The following PODXL2 variants were observed in gnomAD, a reference collection of about 807,000 sequenced individuals.
PODXL2 encodes the protein podocalyxin like 2.
In PODXL2, 17 loss-of-function variants were observed where a neutral mutation model predicts 53.4. That is an observed-to-expected ratio of 0.32 (90% CI 0.22 to 0.48). The LOEUF (loss-of-function observed/expected upper bound fraction) is 0.48. Ranked by LOEUF, PODXL2 falls within the 20% of genes least tolerant of loss-of-function variation. The pLI, the probability that PODXL2 is intolerant of heterozygous loss-of-function variation, is 0.99. For synonymous variants in PODXL2, 311 were observed against 306.7 expected (o/e 1.01, Z -0.15); for missense variants, 673 against 760.0 (o/e 0.89, Z 1.35).
Position 127,669,138 on chromosome 3 carries a change from C to T in PODXL2, c.1364-3C>T, listed in dbSNP as rs2074814884. 1 of 1,601,620 alleles carries T rather than the reference C, an allele frequency of 6.2e-7. No individual in the cohort carries two copies. Among genetic ancestry groups the T allele is most frequent in the Non-Finnish European group, 8.5e-7 (1 of 1,173,896 alleles). On this transcript the variant is annotated splice_polypyrimidine_tract_variant and splice_region_variant and intron_variant, in intron 5 of 7. Coordinates refer to ENST00000342480, the MANE Select transcript of PODXL2 (RefSeq NM_015720.4). Reference sequence around the variant, plus strand: ...ACTGATAGTGGTGTTTCTTACCCCCCAGGGGTGGTGCCCACTCAAGATGTC... The same window carrying T: ...ACTGATAGTGGTGTTTCTTACCCCCTAGGGGTGGTGCCCACTCAAGATGTC...
intron 2 of PODXL2, among the ~76,000 whole-genome samples, chr3:127,653,196 T>C (rs1285483202): frequency 6.6e-6 from 1 of 152,202 alleles, no homozygotes; most frequent in African/African-American, 2.4e-5. Context: ...AGCACCTTCC[T>C]CCCTGTCTCT....
At chr3:127,670,847 C>T (rs1252459308) in intron 6 of PODXL2, among the ~76,000 whole-genome samples, 2 of 152,232 alleles carry the variant, frequency 1.3e-5, no homozygotes, top group Non-Finnish European at 2.9e-5. Flanking sequence ...TGACAACCTG[C>T]AGCGTGGAGG....
At chr3:127,666,613 T>C (rs2074796191) in intron 4 of PODXL2, among the ~76,000 whole-genome samples, 1 of 152,194 alleles carries the variant, frequency 6.6e-6, no homozygotes, top group Admixed American at 6.5e-5. Flanking sequence ...TTTGCCGTGT[T>C]GTCTGTGCAG....
intron 2 of PODXL2, among the ~76,000 whole-genome samples, chr3:127,643,385 T>C (rs907667506): frequency 2.0e-5 from 3 of 151,820 alleles, no homozygotes; most frequent in Non-Finnish European, 4.4e-5. Flanking sequence ...TAATTTTGTA[T>C]TTTTAGTAGA....
intron 2 of PODXL2, among the ~76,000 whole-genome samples, chr3:127,654,078 G>A (rs2074706172): frequency 6.6e-6 from 1 of 152,192 alleles, no homozygotes; most frequent in African/African-American, 2.4e-5. Context: ...AAGAAAAAAA[G>A]AGCAGGGTTT....
At chr3:127,660,084 T>C (rs1032389887) in intron 2 of PODXL2, among the ~76,000 whole-genome samples, 7 of 152,226 alleles carry the variant, frequency 4.6e-5, no homozygotes, top group Non-Finnish European at 1.0e-4. Context: ...GGAGAATATA[T>C]ACCTCAAACT....
Position 127,658,731 on chromosome 3 carries a change from C to G in PODXL2, c.350-1647C>G, listed in dbSNP as rs1442225157. Reference sequence around the variant, plus strand: ...AGATTTTCTCTTGCTCCTTATAATTCTAAAATCACATGAGAATGAGGCTAG... The same window carrying G: ...AGATTTTCTCTTGCTCCTTATAATTGTAAAATCACATGAGAATGAGGCTAG... On this transcript the variant is annotated intron_variant, in intron 2 of 7. Coordinates refer to ENST00000342480, the MANE Select transcript of PODXL2 (RefSeq NM_015720.4). Among the ~76,000 whole-genome samples the G allele has an allele frequency of 2.0e-5, 3 of 152,232 alleles. No homozygotes were observed. The East Asian group carries it at 5.8e-4, about 29-fold the overall frequency.
chr3:127,631,546 G>A (rs148116091), intron 1 of PODXL2, among the ~76,000 whole-genome samples: 30 of 152,294 alleles, frequency 2.0e-4, no homozygotes, highest in Non-Finnish European at 4.3e-4. Context: ...TCTGTTGGGT[G>A]TGATGATGTA....
chr3:127,671,026 G>T (rs1017162224), intron 6 of PODXL2, among the ~76,000 whole-genome samples: 1 of 152,214 alleles, frequency 6.6e-6, no homozygotes, highest in Admixed American at 6.5e-5. Context: ...GGAAGCGGTT[G>T]TATGGTGGAG....
chr3:127,630,913 A>C (rs1180554487), intron 1 of PODXL2, among the ~76,000 whole-genome samples: 1 of 152,266 alleles, frequency 6.6e-6, no homozygotes, highest in Non-Finnish European at 1.5e-5. Context: ...ACTGGCCAGC[A>C]ACGTCCTCAT....
At position 127,630,695 on chromosome 3, in the gene PODXL2, A is replaced by G. The variant is rs1454450716; in HGVS notation, c.70+1406A>G. On this transcript the variant is annotated intron_variant, in intron 1 of 7. Transcript: ENST00000342480. ...TGGGAAGGCTCAGTTCAGGGAGGGTACATTTTCTCCACAGTCAGTCTAGGG... is the reference window on the plus strand; with the variant it reads ...TGGGAAGGCTCAGTTCAGGGAGGGTGCATTTTCTCCACAGTCAGTCTAGGG... 2.6e-5 allele frequency among the ~76,000 whole-genome samples: 4 copies of G among 152,190 alleles called. No individual in the cohort carries two copies. In the South Asian group the frequency reaches 6.2e-4, roughly 24 times the overall value.
intron 2 of PODXL2, among the ~76,000 whole-genome samples, chr3:127,651,155 C>T (rs922538210): frequency 6.6e-6 from 1 of 152,068 alleles, no homozygotes; most frequent in Non-Finnish European, 1.5e-5. Flanking sequence ...CCCAGCTACT[C>T]GGGAGGCTGA....
At chr3:127,649,155 G>T (rs1189541024) in intron 2 of PODXL2, among the ~76,000 whole-genome samples, 1 of 151,952 alleles carries the variant, frequency 6.6e-6, no homozygotes, top group Admixed American at 6.6e-5. Context: ...ACAAAAAATG[G>T]ACAATAGTGG....
rs369628001 is a variant in PODXL2 at position 127,639,249 on chromosome 3, G to A, written c.75G>A (p.Ala25=). ...CTGGCTTTTATGTCTGCACAGGAGC[G>A]TTCCTGGGTGCCTGTGTGGCTGGGT... is the stretch of plus-strand genomic sequence containing the variant. ...SPLLLLLVGG[A]FLGACVAGSD... is the part of the protein sequence containing the mutation. The change falls in exon 2 of 8, where the codon GCG becomes GCA. Residue 25 remains alanine (A), a synonymous_variant. Coordinates refer to ENST00000342480, the MANE Select transcript of PODXL2 (RefSeq NM_015720.4). The A allele has an allele frequency of 9.9e-5, 158 of 1,603,216 alleles. No homozygotes were observed. The highest frequency in any genetic ancestry group is 9.8e-4 in the South Asian group (88 of 89,768).
Position 127,660,614 on chromosome 3 carries a change from C to T in PODXL2, c.586C>T (p.Gln196Ter). 1 of 1,614,152 alleles carries T rather than the reference C, an allele frequency of 6.2e-7. No individual in the cohort carries two copies. Among genetic ancestry groups the T allele is most frequent in the Non-Finnish European group, 8.5e-7 (1 of 1,180,028 alleles). The change falls in exon 3 of 8, where the codon CAA (glutamine) becomes TAA (stop). Residue 196 changes from glutamine to a stop codon, truncating the protein, a stop_gained. Transcript: ENST00000342480. LOFTEE classifies it high-confidence loss of function. ...GGAGCTGCTCCCTGTGAATGGATCC[C>T]AAGAAGAAGCCAAGCCTCAGGTCCG... is the stretch of plus-strand genomic sequence containing the variant. ...EEELLPVNGS[Q>*]EEAKPQVRDF...
In PODXL2 at chr3:127,669,981, A is replaced by G. The variant is rs569904301; in HGVS notation, c.1425+779A>G. Among the ~76,000 whole-genome samples, 22 of 151,774 alleles carry G rather than the reference A, an allele frequency of 1.4e-4. No individual in the cohort carries two copies. The East Asian group carries it at 4.1e-3, about 28-fold the overall frequency. ...CAGTGCCCTGTCATCAGCCCTCTCC[A>G]CTCCCGAAGGTGCTGCCATTTTTGG... On this transcript the variant is annotated intron_variant, in intron 6 of 7. Transcript: ENST00000342480.
At chr3:127,647,235 A>G (rs1282614964) in intron 2 of PODXL2, among the ~76,000 whole-genome samples, 3 of 152,298 alleles carry the variant, frequency 2.0e-5, no homozygotes, top group African/African-American at 7.2e-5. Context: ...TCAACAAAGC[A>G]GGGAAAAAAA....
chr3:127,671,724 G>T, intron 7 of PODXL2, 111 bp downstream of exon 7: 1 of 1,054,108 alleles, frequency 9.5e-7, no homozygotes, highest in Non-Finnish European at 1.4e-6. Flanking sequence ...ACAGGGTCCC[G>T]TGGGTGAAGC....
rs534298247 is a variant in PODXL2, at chr3:127,638,991, A to AT, written c.71-254_71-253insT. ...CACATGCGCAGTGGAACACTGACTC[A>AT]GTGATTCCTCTCTCTCCCCTGCCTG... On this transcript the variant is annotated intron_variant, in intron 1 of 7. Coordinates refer to ENST00000342480, the MANE Select transcript of PODXL2 (RefSeq NM_015720.4). Among the ~76,000 whole-genome samples the AT allele has an allele frequency of 5.2e-3, 788 of 152,288 alleles. 6 individuals carry two copies. Among genetic ancestry groups the AT allele is most frequent in the African/African-American group, 0.017 (718 of 41,548 alleles).
Sources: gnomAD v4.1 joint callset for allele counts (sites outside exome capture counted in the v4.1 genomes callset) on GRCh38, gnomAD v4.1.1 for gene constraint, MANE v1.5 for transcripts, NCBI Gene and HGNC (gene_info 2026-07-23, HGNC 2026-07-21) for gene names.